Variants in CUX1 observed in about 807,000 individuals in gnomAD.
CUX1 encodes protein CASP.
A neutral mutation model predicts 158.8 loss-of-function variants in CUX1; 31 were observed. The observed-to-expected ratio is 0.20, with a 90% CI of 0.15 to 0.26. CUX1 has a LOEUF of 0.26. Among genes scored for constraint, CUX1 ranks in the 10% least tolerant of loss-of-function variants. The pLI is 1.00. For synonymous variants in CUX1, 879 were observed against 862.1 expected (o/e 1.02, Z -0.34); for missense variants, 1,589 against 2,014.6 (o/e 0.79, Z 4.04).
chr7:101,888,091 T>C (rs1479989288), intron 1 of CUX1, among the ~76,000 whole-genome samples: 1 of 152,152 alleles, frequency 6.6e-6, no homozygotes, highest in Non-Finnish European at 1.5e-5. Context: ...CTCAGCACTT[T>C]GTGAGGCTGA....
In CUX1 at chr7:102,208,853, C is replaced by T. The variant is rs1796214664; in HGVS notation, c.3130+3683C>T. 1.3e-5 allele frequency among the ~76,000 whole-genome samples: 2 copies of T among 152,200 alleles called. 1 individual carries two copies. The highest frequency in any genetic ancestry group is 4.1e-4 in the South Asian group (2 of 4,830). On this transcript the variant is annotated intron_variant, in intron 20 of 23. Transcript: ENST00000292535. ...ATGTCTGCAGAAAGGTCATTGCAAG[C>T]CCGGCTTGGCTTCTTCCTGAATGTC...
At chr7:101,991,619 C>T (rs1321393723) in intron 2 of CUX1, among the ~76,000 whole-genome samples, 1 of 152,024 alleles carries the variant, frequency 6.6e-6, no homozygotes, top group Non-Finnish European at 1.5e-5. Flanking sequence ...ATTAGCTGGA[C>T]GTGGTGGTGT....
At chr7:102,163,006 C>A (rs1790619550) in intron 9 of CUX1, among the ~76,000 whole-genome samples, 1 of 152,126 alleles carries the variant, frequency 6.6e-6, no homozygotes, top group Non-Finnish European at 1.5e-5. Context: ...CTCAAAGGGT[C>A]CCTTTTGACC....
chr7:101,979,419 A>G (rs528404966), intron 2 of CUX1, among the ~76,000 whole-genome samples: 5 of 152,326 alleles, frequency 3.3e-5, no homozygotes, highest in Admixed American at 2.0e-4. Context: ...ATGTGATGAG[A>G]TTTTTGAATT....
rs1349787625 is a variant in CUX1 at position 102,253,078 on chromosome 7, G to A, written c.*4036G>A. On this transcript the variant is annotated 3_prime_UTR_variant, in exon 24 of 24. Coordinates refer to ENST00000292535, the MANE Select transcript of CUX1 (RefSeq NM_181552.4). ...ACAGCCTCCCTGGGGTAGATCCCTTGTACCTCCAAAGTACAAATACCTCCC... is the reference window on the plus strand; with the variant it reads ...ACAGCCTCCCTGGGGTAGATCCCTTATACCTCCAAAGTACAAATACCTCCC... 1.0e-6 allele frequency: 1 copy of A among 985,404 alleles called. No homozygotes were observed. Among genetic ancestry groups the A allele is most frequent in the Non-Finnish European group, 1.2e-6 (1 of 829,924 alleles). 61.0% of individuals were successfully genotyped at this position (985,404 alleles called of 1,614,324 possible). A position where few individuals can be genotyped will look rare whatever the true frequency, so the allele number is the denominator to read the frequency against.
chr7:101,947,379 G>A (rs1375765023), intron 2 of CUX1, among the ~76,000 whole-genome samples: 2 of 152,174 alleles, frequency 1.3e-5, no homozygotes, highest in Non-Finnish European at 2.9e-5. Context: ...GAGCAAGAGC[G>A]AGACTCCGTC....
At chr7:102,008,776 CAA>C (rs1402642258) in intron 2 of CUX1, among the ~76,000 whole-genome samples, 1 of 152,184 alleles carries the variant, frequency 6.6e-6, no homozygotes, top group Admixed American at 6.5e-5. Flanking sequence ...TTACGATGAA[CAA>C]AATAGCTTTT....
intron 2 of CUX1, among the ~76,000 whole-genome samples, chr7:101,940,889 C>T (rs1361311374): frequency 2.0e-5 from 3 of 152,202 alleles, no homozygotes; most frequent in Non-Finnish European, 4.4e-5. Context: ...CCTGTCAGTT[C>T]TTCAAGCCCA....
intron 8 of CUX1, among the ~76,000 whole-genome samples, chr7:102,128,765 G>A (rs1832914508): frequency 6.6e-6 from 1 of 151,874 alleles, no homozygotes; most frequent in African/African-American, 2.4e-5. Context: ...ATCACTTGAG[G>A]CCAAGAGTTT....
At chr7:101,985,480 T>G (rs1044677348) in intron 2 of CUX1, among the ~76,000 whole-genome samples, 1 of 152,220 alleles carries the variant, frequency 6.6e-6, no homozygotes, top group Non-Finnish European at 1.5e-5. Context: ...TGCATGTGGC[T>G]GTTTGACACC....
chr7:101,986,883 C>T (rs1814383790), intron 2 of CUX1, among the ~76,000 whole-genome samples: 1 of 152,202 alleles, frequency 6.6e-6, no homozygotes, highest in Admixed American at 6.5e-5. Flanking sequence ...CTGCAGGGTC[C>T]TTCAGTGGCT....
chr7:102,067,097 C>T (rs555003151), intron 3 of CUX1, among the ~76,000 whole-genome samples: 103 of 152,182 alleles, frequency 6.8e-4, no homozygotes, highest in African/African-American at 2.5e-3. Context: ...TTTTCATCAC[C>T]CCAAAAGGAA....
intron 2 of CUX1, among the ~76,000 whole-genome samples, chr7:101,962,321 A>G (rs1810606418): frequency 6.6e-6 from 1 of 152,234 alleles, no homozygotes; most frequent in Admixed American, 6.5e-5. Flanking sequence ...GGTGTGAATG[A>G]AACCAAGTTG....
intron 8 of CUX1, among the ~76,000 whole-genome samples, chr7:102,138,985 C>G (rs1412599230): frequency 1.3e-5 from 2 of 152,096 alleles, no homozygotes; most frequent in Non-Finnish European, 2.9e-5. Context: ...TGGGTCACAC[C>G]TCTAATCTCA....
At chr7:102,108,594 C>G (rs995538065) in intron 6 of CUX1, among the ~76,000 whole-genome samples, 1 of 152,090 alleles carries the variant, frequency 6.6e-6, no homozygotes, top group Non-Finnish European at 1.5e-5. Flanking sequence ...CGCCTCACCT[C>G]CTGATGTGCT....
At chr7:102,258,880 G>C (rs1790167848), downstream of CUX1, among the ~76,000 whole-genome samples, 1 of 152,186 alleles carries the variant, frequency 6.6e-6, no homozygotes, top group Non-Finnish European at 1.5e-5. Context: ...ACTGAGAAGA[G>C]TCTCTTTCCA....
chr7:102,139,860 A>T (rs1187172759), intron 8 of CUX1, among the ~76,000 whole-genome samples: 1 of 151,048 alleles, frequency 6.6e-6, no homozygotes, highest in Non-Finnish European at 1.5e-5. Flanking sequence ...GTCTTGTTAC[A>T]TTGCCCAGGC....
intron 1 of CUX1, among the ~76,000 whole-genome samples, chr7:101,893,527 C>A (rs1801129931): frequency 6.6e-6 from 1 of 152,126 alleles, no homozygotes; most frequent in South Asian, 2.1e-4. Context: ...CACCTTGCCC[C>A]CTGCGAGCGT....
chr7:102,249,338 G>T lies in CUX1; in HGVS notation c.*296G>T. On this transcript the variant is annotated 3_prime_UTR_variant, in exon 24 of 24. Transcript: ENST00000292535. ...GGCCTGGACCCCTGGACCGCTTTGC[G>T]CACTTACCGCCCTGCGGGCCACAGG... The T allele has an allele frequency of 3.0e-6, 3 of 1,015,076 alleles. No individual in the cohort carries two copies. Among genetic ancestry groups the T allele is most frequent in the Middle Eastern group, 4.9e-4 (1 of 2,038 alleles). The allele number at this position is 1,015,076 out of a possible 1,614,324, so 62.9% of individuals were successfully genotyped here.
Sources: gnomAD v4.1 joint callset for allele counts (sites outside exome capture counted in the v4.1 genomes callset) on GRCh38, gnomAD v4.1.1 for gene constraint, MANE v1.5 for transcripts, NCBI Gene and HGNC (gene_info 2026-07-23, HGNC 2026-07-21) for gene names.